Variants in HIVEP3 observed in about 807,000 individuals in gnomAD.
HIVEP3 encodes the protein transcription factor HIVEP3.
HIVEP3 carries 49 observed loss-of-function variants against 152.8 expected under a neutral mutation model. The observed-to-expected ratio is 0.32, with a 90% CI of 0.26 to 0.41. The LOEUF (loss-of-function observed/expected upper bound fraction) is 0.41. HIVEP3 is among the 10% of genes least tolerant of loss of function. The pLI, the probability that HIVEP3 is intolerant of heterozygous loss-of-function variation, is 1.00. For synonymous variants in HIVEP3, 1,269 were observed against 1,289.0 expected, an observed-to-expected ratio of 0.98 and a Z score of 0.33; for missense variants, 2,790 against 3,103.3, an observed-to-expected ratio of 0.90 and a Z score of 2.40.
rs968454490 is a variant in HIVEP3 at position 41,950,807 on chromosome 1, T to C, written n.120-32283A>G. Among the ~76,000 whole-genome samples the C allele has an allele frequency of 2.6e-5, 4 of 152,254 alleles. No individual in the cohort carries two copies. In the East Asian group the frequency reaches 7.7e-4, roughly 29 times the overall value. On this transcript the variant is annotated intron_variant and non_coding_transcript_variant, in intron 1 of 3. Coordinates refer to the HIVEP3 transcript ENST00000489103. The stretch of plus-strand genomic sequence containing the variant: ...TACTGCCCTAAAAACTTAAAGACTA[T>C]TGATTTAAAAAATAAAACTTTGCAT...
In HIVEP3 at chr1:41,533,176, A is replaced by T. The variant is rs1233779873; in HGVS notation, c.5208-8266T>A. ...TGAAGGCCAGGACCGAGGCTTGTCC[A>T]GCTTTGAGGTTCCCAGAGGGTCCAG... On this transcript the variant is annotated intron_variant, in intron 5 of 8. Coordinates refer to ENST00000372583, the MANE Select transcript of HIVEP3 (RefSeq NM_024503.5). The surrounding 1 kb of genome is among the most constrained non-coding windows in gnomAD (Gnocchi z 4.3). Among the ~76,000 whole-genome samples, 1 of 152,060 alleles carries T rather than the reference A, an allele frequency of 6.6e-6. No homozygotes were observed. The highest frequency in any genetic ancestry group is 1.5e-5 in the Non-Finnish European group (1 of 67,986).
At chr1:41,578,425 T>A (rs551980181) in intron 4 of HIVEP3, among the ~76,000 whole-genome samples, 5 of 152,294 alleles carry the variant, frequency 3.3e-5, no homozygotes, top group African/African-American at 7.2e-5. Context: ...GGGAATAAAT[T>A]TGGAAAACAG....
intron 1 of HIVEP3, among the ~76,000 whole-genome samples, chr1:41,707,340 C>T (rs1041967704): frequency 1.3e-5 from 2 of 152,190 alleles, no homozygotes; most frequent in Non-Finnish European, 2.9e-5. Flanking sequence ...AGAACTACCA[C>T]GAGGGCAATG....
chr1:41,556,441 AT>A (rs1238331484), intron 5 of HIVEP3, among the ~76,000 whole-genome samples: 1 of 152,194 alleles, frequency 6.6e-6, no homozygotes, highest in African/African-American at 2.4e-5. Context: ...AGAAATGTCC[AT>A]TCATGCTTTT....
At chr1:41,550,666 GCTCT>G (rs1643885069) in intron 5 of HIVEP3, among the ~76,000 whole-genome samples, 1 of 152,120 alleles carries the variant, frequency 6.6e-6, no homozygotes, top group South Asian at 2.1e-4. Context: ...TCATGATTTG[GCTCT>G]CTGTTTGTCT....
At chr1:41,641,948 A>G (rs112641019) in intron 2 of HIVEP3, among the ~76,000 whole-genome samples, 34 of 152,320 alleles carry the variant, frequency 2.2e-4, no homozygotes, top group African/African-American at 8.2e-4. Context: ...TCCGTGAACT[A>G]TCATTTGTAA....
At chr1:41,969,181 A>T (rs1221058481) in intron 1 of HIVEP3, among the ~76,000 whole-genome samples, 3 of 152,212 alleles carry the variant, frequency 2.0e-5, no homozygotes, top group Admixed American at 6.5e-5. Flanking sequence ...ACTACCATTG[A>T]CATTCTTCTT....
chr1:41,838,112 AT>A (rs1455633740), intron 1 of HIVEP3, among the ~76,000 whole-genome samples: 1 of 152,134 alleles, frequency 6.6e-6, no homozygotes, highest in Non-Finnish European at 1.5e-5. Flanking sequence ...GGACTTATAT[AT>A]ATATTTTAAT....
intron 1 of HIVEP3, among the ~76,000 whole-genome samples, chr1:41,928,805 T>A (rs995529294): frequency 2.0e-5 from 3 of 152,170 alleles, no homozygotes; most frequent in African/African-American, 7.2e-5. Context: ...ACAGAAATGA[T>A]GCACCCTTCT....
intron 2 of HIVEP3, among the ~76,000 whole-genome samples, chr1:41,688,072 G>C (rs565154100): frequency 6.6e-6 from 1 of 152,368 alleles, no homozygotes; most frequent in South Asian, 2.1e-4. Flanking sequence ...GTGCCTGTGG[G>C]CACCACGGTT....
intron 2 of HIVEP3, among the ~76,000 whole-genome samples, chr1:41,684,611 T>C (rs1263437330): frequency 6.6e-6 from 1 of 152,236 alleles, no homozygotes; most frequent in Non-Finnish European, 1.5e-5. Context: ...TTTCATCACT[T>C]GCTGGCCATG....
intron 2 of HIVEP3, among the ~76,000 whole-genome samples, chr1:41,668,314 G>A (rs1645826064): frequency 6.6e-6 from 1 of 152,228 alleles, no homozygotes; most frequent in Admixed American, 6.5e-5. Context: ...CCGAAGACAT[G>A]GGCGAGAGAG....
rs1644462012 is a variant in HIVEP3 at position 41,583,898 on chromosome 1, T to C, written c.900A>G (p.Pro300=). 3 of 1,614,040 alleles carry C rather than the reference T, an allele frequency of 1.9e-6. No homozygotes were observed. The highest frequency in any genetic ancestry group is 2.5e-6 in the Non-Finnish European group (3 of 1,179,964). The change falls in exon 4 of 9, where the codon CCA becomes CCG. Residue 300 remains proline, a synonymous_variant. Transcript: ENST00000372583. The surrounding 1 kb of genome is among the most constrained non-coding windows in gnomAD (Gnocchi z 6.9). ...ATSGHPAELS[P]RPKQPLLSSG... ...TGGAGAGAAGGGGCTGCTTGGGTCT[T>C]GGGGAGAGCTCTGCAGGGTGACCAG...
intron 1 of HIVEP3, among the ~76,000 whole-genome samples, chr1:41,862,800 C>T (rs968962915): frequency 6.6e-6 from 1 of 152,116 alleles, no homozygotes; most frequent in African/African-American, 2.4e-5. Flanking sequence ...GATAAAGATC[C>T]CTGAAAACAA....
intron 1 of HIVEP3, among the ~76,000 whole-genome samples, chr1:42,002,919 C>T (rs1244863317): frequency 6.6e-6 from 1 of 152,072 alleles, no homozygotes; most frequent in Non-Finnish European, 1.5e-5. Context: ...ACAGTAAGGA[C>T]AAGAAATACA....
At chr1:41,648,780 C>T (rs1455287763) in intron 2 of HIVEP3, among the ~76,000 whole-genome samples, 1 of 152,274 alleles carries the variant, frequency 6.6e-6, no homozygotes, top group Non-Finnish European at 1.5e-5. Context: ...TGCCCAAAGT[C>T]ATGGCCTCTG....
intron 5 of HIVEP3, among the ~76,000 whole-genome samples, chr1:41,547,974 T>TCCAG (rs1643845206): frequency 6.6e-6 from 1 of 151,986 alleles, no homozygotes; most frequent in Non-Finnish European, 1.5e-5. Context: ...TAATGCTCTG[T>TCCAG]CCAGCCTCCG....
At chr1:41,865,781 G>A (rs115898485) in intron 1 of HIVEP3, among the ~76,000 whole-genome samples, 1,628 of 152,238 alleles carry the variant, frequency 0.011, 20 homozygotes, top group African/African-American at 0.037. Flanking sequence ...TACAGCAATA[G>A]CAAGAAGGAG....
intron 5 of HIVEP3, among the ~76,000 whole-genome samples, chr1:41,568,323 A>G (rs1035084821): frequency 1.3e-5 from 2 of 152,258 alleles, no homozygotes; most frequent in African/African-American, 4.8e-5. Flanking sequence ...CTCTGGAAAA[A>G]GAGCTCCAGG....
Sources: allele counts gnomAD v4.1 joint callset (sites outside exome capture counted in the v4.1 genomes callset), GRCh38; gene constraint gnomAD v4.1.1; non-coding constraint Gnocchi (gnomAD v3.1); transcripts MANE v1.5; gene names NCBI Gene and HGNC (gene_info 2026-07-23, HGNC 2026-07-21).